FAM78B: variants seen among roughly 807,000 people sequenced by gnomAD.
The protein encoded by FAM78B is protein FAM78B.
FAM78B carries 10 observed loss-of-function variants against 20.0 expected under a neutral mutation model. The ratio of observed to expected loss-of-function variants is 0.50; its 90% confidence interval spans 0.31 to 0.85. The LOEUF (loss-of-function observed/expected upper bound fraction) is 0.85. FAM78B is among the 40% of genes least tolerant of loss of function. The pLI is 0.05. For missense variants in FAM78B, 283 were observed against 345.0 expected (o/e 0.82, Z 1.42); for synonymous variants, 135 against 132.8 (o/e 1.02, Z -0.12).
At chr1:166,150,014 G>C (rs60962988) in intron 1 of FAM78B, among the ~76,000 whole-genome samples, 346 of 152,304 alleles carry the variant, frequency 2.3e-3, no homozygotes, top group African/African-American at 7.8e-3. Flanking sequence ...TGAGCCTTGG[G>C]GGTAAGGTCA....
At chr1:166,137,271 C>G (rs1306223019) in intron 1 of FAM78B, among the ~76,000 whole-genome samples, 3 of 152,228 alleles carry the variant, frequency 2.0e-5, no homozygotes, top group Non-Finnish European at 2.9e-5. Flanking sequence ...TGGGCTGCAT[C>G]TGGCTCAGCA....
intron 1 of FAM78B, among the ~76,000 whole-genome samples, chr1:166,098,339 G>A (rs911511474): frequency 6.6e-6 from 1 of 151,942 alleles, no homozygotes; most frequent in South Asian, 2.1e-4. Context: ...GCCCTGCCCC[G>A]CCGCCTCCAA....
intron 1 of FAM78B, among the ~76,000 whole-genome samples, chr1:166,114,930 T>C (rs1654200405): frequency 6.6e-6 from 1 of 152,212 alleles, no homozygotes; most frequent in Non-Finnish European, 1.5e-5. Flanking sequence ...TCTGGTCTTC[T>C]GGAACAAGTT....
chr1:166,108,080 G>C (rs1482404021), intron 1 of FAM78B, among the ~76,000 whole-genome samples: 1 of 152,086 alleles, frequency 6.6e-6, no homozygotes, highest in African/African-American at 2.4e-5. Flanking sequence ...CTGAGAACTG[G>C]AACAAGACAA....
intron 1 of FAM78B, among the ~76,000 whole-genome samples, chr1:166,077,959 A>AT (rs377714312): frequency 0.053 from 99 of 1,862 alleles, 11 homozygotes; most frequent in Middle Eastern, 0.25. Flanking sequence ...TATATATATA[A>AT]TTATATATAT....
chr1:166,059,566 G>A (rs1323821643), exon 3 of FAM78B: 1 of 152,192 alleles, frequency 6.6e-6, no homozygotes, highest in Non-Finnish European at 1.5e-5. Flanking sequence ...TACTACATCA[G>A]AGCAGAATGA....
chr1:166,109,876 A>ATATG (rs1233906712), intron 1 of FAM78B, among the ~76,000 whole-genome samples: 742 of 16,142 alleles, frequency 0.046, 126 homozygotes, highest in Admixed American at 0.066. Flanking sequence ...GTGTATATAT[A>ATATG]TATATGTATA....
intron 1 of FAM78B, among the ~76,000 whole-genome samples, chr1:166,142,679 C>A (rs189520163): frequency 4.7e-4 from 71 of 152,280 alleles, no homozygotes; most frequent in Middle Eastern, 3.4e-3. Flanking sequence ...AAGGGTGGAA[C>A]CTTGTCTTCT....
chr1:166,164,585 TTTGTGCTTAAA>T (rs1170570189), intron 1 of FAM78B, among the ~76,000 whole-genome samples: 1 of 152,192 alleles, frequency 6.6e-6, no homozygotes, highest in Non-Finnish European at 1.5e-5. Context: ...GGATTAAGCT[TTTGTGCTTAAA>T]GAGAAAAGTG....
At chr1:166,112,407 G>A (rs1021922313) in intron 1 of FAM78B, among the ~76,000 whole-genome samples, 2 of 152,184 alleles carry the variant, frequency 1.3e-5, no homozygotes, top group African/African-American at 4.8e-5. Flanking sequence ...TAGGTCAACA[G>A]TCTGAATTAG....
chr1:166,111,643 T>A (rs1217823807), intron 1 of FAM78B, among the ~76,000 whole-genome samples: 1 of 152,234 alleles, frequency 6.6e-6, no homozygotes, highest in Non-Finnish European at 1.5e-5. Context: ...GGTCAAAGTC[T>A]ACGTCTTTAT....
chr1:166,072,398 G>C (rs796635199), intron 1 of FAM78B, among the ~76,000 whole-genome samples: 2 of 152,336 alleles, frequency 1.3e-5, no homozygotes, highest in African/African-American at 4.8e-5. Context: ...TATCATGGTT[G>C]GCAGACACTA....
At chr1:166,142,216 A>G (rs1655306264) in intron 1 of FAM78B, among the ~76,000 whole-genome samples, 1 of 152,118 alleles carries the variant, frequency 6.6e-6, no homozygotes, top group African/African-American at 2.4e-5. Flanking sequence ...GGAGGGTTAG[A>G]CTGCACTTAA....
At chr1:166,134,567 A>T (rs1655004633) in intron 1 of FAM78B, among the ~76,000 whole-genome samples, 1 of 152,126 alleles carries the variant, frequency 6.6e-6, no homozygotes, top group Non-Finnish European at 1.5e-5. Context: ...CTGACCTAAA[A>T]AGACTGGAGC....
chr1:166,140,183 A>G (rs1655226765), intron 1 of FAM78B, among the ~76,000 whole-genome samples: 1 of 152,200 alleles, frequency 6.6e-6, no homozygotes, highest in Non-Finnish European at 1.5e-5. Flanking sequence ...CTACCCCAGC[A>G]AGGCTTCAAA....
chr1:166,156,139 C>T (rs1280164576), intron 1 of FAM78B, among the ~76,000 whole-genome samples: 8 of 152,256 alleles, frequency 5.3e-5, no homozygotes, highest in African/African-American at 1.9e-4. Context: ...GGAGCAGGAG[C>T]CAGCCAGAGG....
At chr1:166,160,974 C>A (rs748280907) in intron 1 of FAM78B, among the ~76,000 whole-genome samples, 5 of 152,128 alleles carry the variant, frequency 3.3e-5, no homozygotes, top group Admixed American at 2.0e-4. Flanking sequence ...GAGGAGATAG[C>A]GGCTGAGACC....
intron 1 of FAM78B, among the ~76,000 whole-genome samples, chr1:166,131,111 C>T (rs1340699145): frequency 6.6e-6 from 1 of 151,840 alleles, no homozygotes; most frequent in Admixed American, 6.6e-5. Flanking sequence ...CCTGCCTCAG[C>T]CTCCTGAGTA....
downstream of FAM78B, among the ~76,000 whole-genome samples, chr1:166,066,546 C>A (rs542425318): frequency 3.3e-5 from 5 of 152,114 alleles, no homozygotes; most frequent in Non-Finnish European, 7.3e-5. Flanking sequence ...TGGCTCCTGA[C>A]ATTTTGTTTG....
Sources: allele counts gnomAD v4.1 joint callset (sites outside exome capture counted in the v4.1 genomes callset), GRCh38; gene constraint gnomAD v4.1.1; transcripts MANE v1.5; gene names NCBI Gene and HGNC (gene_info 2026-07-23, HGNC 2026-07-21).